The following ROBO2 variants were observed in gnomAD, a reference collection of about 807,000 sequenced individuals.
ROBO2 encodes roundabout guidance receptor 2.
Under a neutral mutation model 160.8 loss-of-function variants are expected in ROBO2, and 53 were observed. That is an observed-to-expected ratio of 0.33 (90% CI 0.26 to 0.41). The LOEUF (loss-of-function observed/expected upper bound fraction) is 0.41. ROBO2 is among the 10% of genes least tolerant of loss of function. The probability of loss-of-function intolerance (pLI) is 1.00; values close to 1 mark genes in which losing one functional copy is unlikely to be tolerated. For missense variants in ROBO2, 1,577 were observed against 1,722.4 expected (o/e 0.92, Z 1.49); for synonymous variants, 664 against 611.7 (o/e 1.09, Z -1.26).
chr3:77,161,406 A>G (rs542585132), intron 2 of ROBO2, among the ~76,000 whole-genome samples: 121 of 152,196 alleles, frequency 8.0e-4, no homozygotes, highest in Middle Eastern at 3.4e-3. Flanking sequence ...TCTGATGACC[A>G]CTCTTCAAGC....
At chr3:77,042,478 G>C (rs1049827478) in intron 1 of ROBO2, among the ~76,000 whole-genome samples, 7 of 152,102 alleles carry the variant, frequency 4.6e-5, no homozygotes, top group African/African-American at 1.4e-4. Flanking sequence ...TATCACCAAG[G>C]GTTTTTTTAT....
intron 2 of ROBO2, among the ~76,000 whole-genome samples, chr3:77,288,934 C>T (rs1560436581): frequency 6.6e-6 from 1 of 152,058 alleles, no homozygotes; most frequent in Non-Finnish European, 1.5e-5. Flanking sequence ...AATATATTTA[C>T]GGCACCATGT....
intron 2 of ROBO2, among the ~76,000 whole-genome samples, chr3:77,006,596 G>T (rs1248831697): frequency 6.6e-6 from 1 of 151,906 alleles, no homozygotes; most frequent in Admixed American, 6.6e-5. Flanking sequence ...AATAGTCTAT[G>T]GAATGATGTC....
At chr3:77,605,539 A>C (rs1297311512) in intron 20 of ROBO2, among the ~76,000 whole-genome samples, 1 of 152,216 alleles carries the variant, frequency 6.6e-6, no homozygotes, top group Non-Finnish European at 1.5e-5. Flanking sequence ...TTGGATAGAA[A>C]GCCCTCACAT....
At chr3:76,805,502 T>TAC (rs1006098051) in intron 2 of ROBO2, among the ~76,000 whole-genome samples, 23 of 151,900 alleles carry the variant, frequency 1.5e-4, no homozygotes, top group East Asian at 3.9e-4. Context: ...TATATATATA[T>TAC]ACACACACAC....
chr3:76,625,035 C>T (rs2089527403), intron 2 of ROBO2, among the ~76,000 whole-genome samples: 1 of 152,014 alleles, frequency 6.6e-6, no homozygotes, highest in South Asian at 2.1e-4. Flanking sequence ...CCGTCATAAT[C>T]CATTTAATGC....
chr3:77,590,666 T>G (rs2094158876), intron 17 of ROBO2, among the ~76,000 whole-genome samples: 1 of 152,174 alleles, frequency 6.6e-6, no homozygotes, highest in Non-Finnish European at 1.5e-5. Flanking sequence ...TTCTAATATA[T>G]TCACATTTGG....
At chr3:77,605,841 T>C (rs2094517010) in intron 20 of ROBO2, among the ~76,000 whole-genome samples, 1 of 152,132 alleles carries the variant, frequency 6.6e-6, no homozygotes, top group Non-Finnish European at 1.5e-5. Flanking sequence ...CCACCTAACA[T>C]TTCTAAAAGT....
At chr3:76,111,500 C>T (rs2070230828) in intron 2 of ROBO2, among the ~76,000 whole-genome samples, 1 of 152,098 alleles carries the variant, frequency 6.6e-6, no homozygotes, top group Admixed American at 6.6e-5. Flanking sequence ...GGCATTGTCT[C>T]ACACTCCTGG....
chr3:76,843,553 C>G (rs1375058733), intron 2 of ROBO2, among the ~76,000 whole-genome samples: 1 of 151,938 alleles, frequency 6.6e-6, no homozygotes, highest in East Asian at 1.9e-4. Flanking sequence ...TTATCTTCTT[C>G]TTGAGTTATT....
intron 2 of ROBO2, among the ~76,000 whole-genome samples, chr3:75,944,539 C>G (rs1264951375): frequency 6.6e-6 from 1 of 152,020 alleles, no homozygotes; most frequent in Non-Finnish European, 1.5e-5. Context: ...GGCACCTTTC[C>G]ATTATAAAGG....
intron 2 of ROBO2, among the ~76,000 whole-genome samples, chr3:77,199,445 C>A (rs1412124641): frequency 2.0e-5 from 3 of 152,044 alleles, no homozygotes; most frequent in African/African-American, 7.2e-5. Flanking sequence ...CAGGGAGCCA[C>A]CACAAGCATA....
At chr3:77,550,086 A>G (rs2092857641) in intron 7 of ROBO2, among the ~76,000 whole-genome samples, 1 of 152,068 alleles carries the variant, frequency 6.6e-6, no homozygotes, top group Non-Finnish European at 1.5e-5. Context: ...ATTTGTAATT[A>G]GGCTATATGT....
chr3:76,467,802 A>G (rs547963658), intron 2 of ROBO2, among the ~76,000 whole-genome samples: 4 of 152,248 alleles, frequency 2.6e-5, no homozygotes, highest in Non-Finnish European at 5.9e-5. Flanking sequence ...GGTATAAATT[A>G]ATATTAATAA....
intron 2 of ROBO2, among the ~76,000 whole-genome samples, chr3:77,114,565 C>T (rs1259470666): frequency 6.6e-6 from 1 of 152,128 alleles, no homozygotes; most frequent in Non-Finnish European, 1.5e-5. Flanking sequence ...ACACAGTCCT[C>T]GTTCACCTTG....
rs560789957 is a variant in ROBO2 at position 77,469,525 on chromosome 3, A to G, written c.389-7889A>G. Reference sequence around the variant, plus strand: ...TAGGGGAATAATCTGTGGTAGTTTTATGAGTGACCATCATTGTTTTTTCTC... The same window carrying G: ...TAGGGGAATAATCTGTGGTAGTTTTGTGAGTGACCATCATTGTTTTTTCTC... On this transcript the variant is annotated intron_variant, in intron 2 of 25. Coordinates refer to ENST00000461745, the Ensembl canonical transcript of ROBO2. Among the ~76,000 whole-genome samples, 15 of 152,272 alleles carry G rather than the reference A, an allele frequency of 9.9e-5. 1 individual carries two copies. The South Asian group carries it at 1.9e-3, about 19-fold the overall frequency.
intron 2 of ROBO2, among the ~76,000 whole-genome samples, chr3:77,288,862 A>G (rs1275177201): frequency 1.3e-5 from 2 of 152,172 alleles, no homozygotes; most frequent in African/African-American, 4.8e-5. Flanking sequence ...CATGGAGAAT[A>G]TAATTTACCA....
Position 77,028,414 on chromosome 3 carries a change from A to G in ROBO2, c.110-69600A>G, listed in dbSNP as rs535899196. Reference sequence around the variant, plus strand: ...CTGTTTTAGGTCCTCCAAAAACTTAACAAAACTATCTGACATCTAGGCTGG... The same window carrying G: ...CTGTTTTAGGTCCTCCAAAAACTTAGCAAAACTATCTGACATCTAGGCTGG... On this transcript the variant is annotated intron_variant, in intron 2 of 26. Transcript: ENST00000487694. 2.0e-5 allele frequency among the ~76,000 whole-genome samples: 3 copies of G among 152,240 alleles called. No individual in the cohort carries two copies. In the South Asian group the frequency reaches 6.2e-4, roughly 32 times the overall value.
chr3:77,147,223 G>C (rs1389394182), intron 2 of ROBO2, among the ~76,000 whole-genome samples: 1 of 152,140 alleles, frequency 6.6e-6, no homozygotes, highest in East Asian at 1.9e-4. Flanking sequence ...GAAAATCTGA[G>C]ACTGCTTGCT....
Sources: allele counts gnomAD v4.1 joint callset (sites outside exome capture counted in the v4.1 genomes callset), GRCh38; gene constraint gnomAD v4.1.1; transcripts MANE v1.5; gene names NCBI Gene and HGNC (gene_info 2026-07-23, HGNC 2026-07-21).